The following AK9 variants were observed in gnomAD, a reference collection of about 807,000 sequenced individuals.
AK9 encodes adenylate kinase domain containing 1.
Under a neutral mutation model 239.6 loss-of-function variants are expected in AK9, and 191 were observed. The ratio of observed to expected loss-of-function variants is 0.80; its 90% CI spans 0.71 to 0.90. AK9 has a LOEUF of 0.90. Ranked by LOEUF, AK9 falls within the 40% of genes least tolerant of loss-of-function variation. AK9 has a pLI of 0.00. For synonymous variants in AK9, 689 were observed against 721.0 expected, an observed-to-expected ratio of 0.96 and a Z score of 0.71; for missense variants, 1,995 against 2,214.7, an observed-to-expected ratio of 0.90 and a Z score of 1.99.
In AK9 at chr6:109,493,983, T is replaced by C; in HGVS notation, c.5531A>G (p.Lys1844Arg). 6.3e-7 allele frequency: 1 copy of C among 1,590,088 alleles called. No individual in the cohort carries two copies. The highest frequency in any genetic ancestry group is 8.6e-7 in the Non-Finnish European group (1 of 1,162,712). ...GTAAATAATTAAAAAAGACATACCTTTGAGATGAAGTGCTATATATAGCAG... is the reference window on the plus strand; with the variant it reads ...GTAAATAATTAAAAAAGACATACCTCTGAGATGAAGTGCTATATATAGCAG... ...SALLYIALHL[K>R]AFNPKGSEYT... Residue 1844 changes from lysine to arginine, a missense_variant and splice_region_variant, in exon 40 of 41, where the codon AAA becomes AGA. Lys to Arg is a conservative substitution (Grantham distance 26, BLOSUM62 2). Transcript: ENST00000424296.
At chr6:109,580,734 G>A (rs1449848300) in intron 19 of AK9, among the ~76,000 whole-genome samples, 3 of 152,126 alleles carry the variant, frequency 2.0e-5, no homozygotes, top group Non-Finnish European at 2.9e-5. Context: ...GTTCCTGCCG[G>A]AAGTCTTGGC....
At chr6:109,632,430 T>G (rs1796184054) in intron 12 of AK9, 1 of 565,394 alleles carries the variant, frequency 1.8e-6, no homozygotes, top group Non-Finnish European at 2.2e-6. Flanking sequence ...ATACCACTTT[T>G]ACTGCTATCA....
At chr6:109,520,219 G>C (rs1425097944) in intron 29 of AK9, among the ~76,000 whole-genome samples, 1 of 152,032 alleles carries the variant, frequency 6.6e-6, no homozygotes, top group Non-Finnish European at 1.5e-5. Context: ...GTGTTTCCCA[G>C]GTTTTCTTCT....
At chr6:109,528,020 A>T (rs1780734742) in intron 29 of AK9, 1 of 154,934 alleles carries the variant, frequency 6.5e-6, no homozygotes, top group Admixed American at 6.3e-5. Flanking sequence ...TCAATGTTAT[A>T]CAACCTCAGC....
chr6:109,627,055 A>T (rs1795603896), intron 12 of AK9, among the ~76,000 whole-genome samples: 1 of 151,702 alleles, frequency 6.6e-6, no homozygotes, highest in Non-Finnish European at 1.5e-5. Context: ...TTACCTTAAA[A>T]CACAAACTCA....
intron 17 of AK9, among the ~76,000 whole-genome samples, chr6:109,606,900 T>A (rs1481777961): frequency 6.6e-6 from 1 of 152,268 alleles, no homozygotes; most frequent in Non-Finnish European, 1.5e-5. Context: ...TCATTATTTC[T>A]ATATTTTTAA....
chr6:109,637,051 CA>C (rs1242714665), intron 10 of AK9, among the ~76,000 whole-genome samples: 1 of 152,134 alleles, frequency 6.6e-6, no homozygotes, highest in African/African-American at 2.4e-5. Flanking sequence ...TTCTCCTCAT[CA>C]ACATTTGTTA....
chr6:109,621,899 AAAAAAAAAAAAAAC>A (rs1468297308), intron 12 of AK9, among the ~76,000 whole-genome samples: 4 of 101,118 alleles, frequency 4.0e-5, no homozygotes, highest in African/African-American at 1.3e-4. Context: ...TAATTAAAAA[AAAAAAAAAAAAAAC>A]AAAAAAAAAA....
chr6:109,513,204 A>G (rs1359293821), intron 32 of AK9, among the ~76,000 whole-genome samples: 1 of 152,128 alleles, frequency 6.6e-6, no homozygotes, highest in Non-Finnish European at 1.5e-5. Flanking sequence ...TATACTTTAT[A>G]TACTTAACAT....
intron 16 of AK9, 52 bp downstream of exon 16, chr6:109,611,958 G>A: frequency 7.9e-7 from 1 of 1,269,894 alleles, no homozygotes; most frequent in African/African-American, 1.5e-5. Flanking sequence ...AACTACTTGT[G>A]TTTTTTAGAA....
chr6:109,531,221 A>G (rs1781203623), intron 28 of AK9, among the ~76,000 whole-genome samples: 1 of 152,170 alleles, frequency 6.6e-6, no homozygotes, highest in South Asian at 2.1e-4. Flanking sequence ...ATGGAGTTTT[A>G]GGAAAATTCG....
intron 29 of AK9, among the ~76,000 whole-genome samples, chr6:109,526,753 A>G (rs1366593788): frequency 6.6e-6 from 1 of 152,088 alleles, no homozygotes; most frequent in Non-Finnish European, 1.5e-5. Flanking sequence ...ATTGTGAACT[A>G]CTTGGTTTTC....
intron 1 of AK9, among the ~76,000 whole-genome samples, chr6:109,683,259 A>G (rs1772951974): frequency 6.6e-6 from 1 of 152,210 alleles, no homozygotes; most frequent in Non-Finnish European, 1.5e-5. Context: ...CAAAATAATA[A>G]GAGCTATTTA....
chr6:109,607,308 C>T (rs915847391), intron 17 of AK9, among the ~76,000 whole-genome samples: 1 of 152,212 alleles, frequency 6.6e-6, no homozygotes, highest in Admixed American at 6.5e-5. Flanking sequence ...TATAGTCAGT[C>T]TTCTGTATCC....
intron 1 of AK9, among the ~76,000 whole-genome samples, chr6:109,679,803 C>A (rs1443500125): frequency 1.3e-5 from 2 of 152,076 alleles, no homozygotes; most frequent in Non-Finnish European, 1.5e-5. Flanking sequence ...TTGGTGATAC[C>A]CAGGAAAACA....
At chr6:109,638,182 C>T (rs1796953664) in intron 10 of AK9, among the ~76,000 whole-genome samples, 1 of 152,220 alleles carries the variant, frequency 6.6e-6, no homozygotes, top group African/African-American at 2.4e-5. Context: ...TAAGGACAAA[C>T]TTTCTGGCTC....
chr6:109,543,370 C>T (rs9480972), intron 26 of AK9, among the ~76,000 whole-genome samples: 31,569 of 151,984 alleles, frequency 0.21, 3,456 homozygotes, highest in South Asian at 0.34. Flanking sequence ...GAAAACCAAA[C>T]AAAAAACTGT....
intron 36 of AK9, among the ~76,000 whole-genome samples, chr6:109,498,236 G>A (rs1345925337): frequency 6.6e-6 from 1 of 152,188 alleles, no homozygotes; most frequent in African/African-American, 2.4e-5. Flanking sequence ...AGTCACTGGA[G>A]AGAGCAGGCC....
chr6:109,612,543 G>A (rs1413778994), intron 15 of AK9, among the ~76,000 whole-genome samples: 1 of 152,162 alleles, frequency 6.6e-6, no homozygotes, highest in East Asian at 1.9e-4. Flanking sequence ...TCTTGGGGCA[G>A]GGCTTTCTTT....
Sources: allele counts gnomAD v4.1 joint callset (sites outside exome capture counted in the v4.1 genomes callset), GRCh38; gene constraint gnomAD v4.1.1; transcripts MANE v1.5; gene names NCBI Gene and HGNC (gene_info 2026-07-23, HGNC 2026-07-21).